The following UBE2D3 variants were observed in gnomAD, a reference collection of about 807,000 sequenced individuals.
UBE2D3 encodes ubiquitin-conjugating enzyme E2 D3.
Under a neutral mutation model 22.8 loss-of-function variants are expected in UBE2D3, and 2 were observed. The observed-to-expected ratio is 0.09, with a 90% CI of 0.04 to 0.28. The LOEUF (loss-of-function observed/expected upper bound fraction) is 0.28. UBE2D3 is among the 10% of genes least tolerant of loss of function. The probability of loss-of-function intolerance (pLI) is 1.00; values close to 1 mark genes in which losing one functional copy is unlikely to be tolerated. For missense variants in UBE2D3, 27 were observed against 182.5 expected, an observed-to-expected ratio of 0.15 and a Z score of 4.91; for synonymous variants, 56 against 60.4, an observed-to-expected ratio of 0.93 and a Z score of 0.34.
At position 102,826,585 on chromosome 4, in the gene UBE2D3, G is replaced by A; in HGVS notation, c.-77C>T. The A allele has an allele frequency of 6.2e-7, 1 of 1,604,090 alleles. No individual in the cohort carries two copies. The highest frequency in any genetic ancestry group is 1.1e-5 in the South Asian group (1 of 90,956). On this transcript the variant is annotated 5_prime_UTR_variant, in exon 2 of 8. Coordinates refer to ENST00000453744, the MANE Select transcript of UBE2D3 (RefSeq NM_181891.3). ...CCGGCCAAAACTCTTGATTATCCCG[G>A]CGGCGGGGCAGGATTGTCTCGTCTC...
rs1725205523 is a variant in UBE2D3 at position 102,795,713 on chromosome 4, T to A, written c.*1702A>T. 1 of 152,106 alleles carries A rather than the reference T, an allele frequency of 6.6e-6. No individual in the cohort carries two copies. Among genetic ancestry groups the A allele is most frequent in the Admixed American group, 6.6e-5 (1 of 15,258 alleles). 9.4% of individuals were successfully genotyped at this position (152,106 alleles called of 1,614,324 possible). On this transcript the variant is annotated 3_prime_UTR_variant, in exon 8 of 8. Coordinates refer to ENST00000453744, the MANE Select transcript of UBE2D3 (RefSeq NM_181891.3). ...TTAAAATGTTTATAAAAAGTAAGTT[T>A]TAACATTTATTTCTAGCTTTCCACA...
At chr4:102,822,195 G>C (rs1729726460) in intron 2 of UBE2D3, among the ~76,000 whole-genome samples, 1 of 152,176 alleles carries the variant, frequency 6.6e-6, no homozygotes, top group South Asian at 2.1e-4. Context: ...AGATGAGCAT[G>C]ATGAAAGAAA....
At chr4:102,868,711 T>A (rs746552339) in intron 1 of UBE2D3, 1 of 1,613,850 alleles carries the variant, frequency 6.2e-7, no homozygotes, top group Non-Finnish European at 8.5e-7. Flanking sequence ...AGCAAGAGAC[T>A]CACTTTTGAA....
intron 1 of UBE2D3, among the ~76,000 whole-genome samples, chr4:102,836,008 A>G (rs1731374487): frequency 6.6e-6 from 1 of 152,042 alleles, no homozygotes; most frequent in African/African-American, 2.4e-5. Flanking sequence ...TTCACTTAGC[A>G]TAATTATTTT....
intron 2 of UBE2D3, among the ~76,000 whole-genome samples, chr4:102,814,188 G>A (rs1432711366): frequency 1.3e-5 from 2 of 151,454 alleles, no homozygotes; most frequent in African/African-American, 4.8e-5. Context: ...AAACTACATG[G>A]CTTTTGGCCT....
intron 2 of UBE2D3, chr4:102,825,118 C>T (rs1389497797): frequency 2.3e-6 from 1 of 436,164 alleles, no homozygotes; most frequent in Non-Finnish European, 3.0e-6. Context: ...AAACTCCAGT[C>T]ATAATTAAAT....
intron 2 of UBE2D3, among the ~76,000 whole-genome samples, chr4:102,815,826 A>G (rs1470025715): frequency 1.3e-5 from 2 of 152,198 alleles, no homozygotes; most frequent in African/African-American, 4.8e-5. Context: ...TAGAAAAATG[A>G]CCTAAGTATT....
chr4:102,865,786 T>A (rs1733121235), intron 1 of UBE2D3, among the ~76,000 whole-genome samples: 3 of 152,246 alleles, frequency 2.0e-5, no homozygotes, highest in Admixed American at 2.0e-4. Flanking sequence ...GAAAAAAACA[T>A]GAAAGAAATA....
intron 2 of UBE2D3, among the ~76,000 whole-genome samples, chr4:102,824,067 T>C (rs965634324): frequency 1.3e-5 from 2 of 152,330 alleles, no homozygotes; most frequent in East Asian, 1.9e-4. Context: ...TGTGGAATGT[T>C]TGAAAGTTGC....
intron 2 of UBE2D3, chr4:102,825,944 AAG>A (rs1730398298): frequency 2.8e-6 from 1 of 356,868 alleles, no homozygotes; most frequent in Non-Finnish European, 5.6e-6. Flanking sequence ...AGAGTCGACT[AAG>A]AGTTTCTACT....
intron 2 of UBE2D3, among the ~76,000 whole-genome samples, chr4:102,820,352 T>G (rs984773812): frequency 6.6e-6 from 1 of 152,216 alleles, no homozygotes; most frequent in Admixed American, 6.5e-5. Flanking sequence ...CAAAAAGATA[T>G]GAACAATTTC....
intron 1 of UBE2D3, among the ~76,000 whole-genome samples, chr4:102,852,903 T>C (rs1427858161): frequency 6.6e-6 from 1 of 152,190 alleles, no homozygotes; most frequent in Non-Finnish European, 1.5e-5. Flanking sequence ...ATAGTTGCTA[T>C]TGGTCATTTA....
chr4:102,837,752 C>A (rs1160064381), intron 1 of UBE2D3, among the ~76,000 whole-genome samples: 1 of 152,168 alleles, frequency 6.6e-6, no homozygotes, highest in East Asian at 1.9e-4. Flanking sequence ...GAGATCGAGA[C>A]CATCCTGGCT....
chr4:102,804,761 G>T (rs1293053535), intron 4 of UBE2D3, among the ~76,000 whole-genome samples: 1 of 152,084 alleles, frequency 6.6e-6, no homozygotes, highest in African/African-American at 2.4e-5. Flanking sequence ...GCAACCCTCT[G>T]CCTCCTGGGA....
At chr4:102,826,856 G>T in intron 1 of UBE2D3, 1 of 1,127,536 alleles carries the variant, frequency 8.9e-7, no homozygotes, top group South Asian at 2.7e-5. Context: ...TAGAAAGGAA[G>T]AGACCCGGGT....
chr4:102,849,567 A>C (rs1732237820), intron 1 of UBE2D3, among the ~76,000 whole-genome samples: 1 of 152,178 alleles, frequency 6.6e-6, no homozygotes, highest in Admixed American at 6.5e-5. Flanking sequence ...ACCCAACAGA[A>C]ATATGGGCAA....
At chr4:102,826,988 G>T (rs1485351409) in intron 1 of UBE2D3, 11 of 998,078 alleles carry the variant, frequency 1.1e-5, no homozygotes, top group Non-Finnish European at 1.3e-5. Flanking sequence ...AAGGCAAGGG[G>T]GGAGGGGGAA....
intron 1 of UBE2D3, among the ~76,000 whole-genome samples, chr4:102,868,343 C>T (rs2110387847): frequency 6.6e-6 from 1 of 152,168 alleles, no homozygotes; most frequent in African/African-American, 2.4e-5. Context: ...GCTGGGATTA[C>T]AGACGTGAGC....
At chr4:102,817,856 T>C (rs1728998836) in intron 2 of UBE2D3, among the ~76,000 whole-genome samples, 1 of 152,178 alleles carries the variant, frequency 6.6e-6, no homozygotes, top group Non-Finnish European at 1.5e-5. Context: ...ACACCCATAC[T>C]CAGCATTTTT....
Sources: gnomAD v4.1 joint callset for allele counts (sites outside exome capture counted in the v4.1 genomes callset) on GRCh38, gnomAD v4.1.1 for gene constraint, MANE v1.5 for transcripts, NCBI Gene and HGNC (gene_info 2026-07-23, HGNC 2026-07-21) for gene names.